Variants in SNX9 observed in about 807,000 individuals in gnomAD.
The protein encoded by SNX9 is sorting nexin-9.
Under a neutral mutation model 89.4 loss-of-function variants are expected in SNX9, and 44 were observed. The observed-to-expected ratio is 0.49, with a 90% CI of 0.39 to 0.63. The LOEUF is 0.63. SNX9 is among the 30% of genes least tolerant of loss of function. SNX9 has a pLI of 0.00. For synonymous variants in SNX9, 236 were observed against 247.8 expected (o/e 0.95, Z 0.45); for missense variants, 578 against 736.1 (o/e 0.79, Z 2.49).
chr6:157,844,741 C>A (rs575600893), intron 1 of SNX9, among the ~76,000 whole-genome samples: 1 of 151,786 alleles, frequency 6.6e-6, no homozygotes, highest in African/African-American at 2.4e-5. Flanking sequence ...CTATAGGCAC[C>A]CGCCACCACG....
Position 157,892,475 on chromosome 6 carries a change from G to GA in SNX9, c.301-4341dup, listed in dbSNP as rs983881317. ...AAACAAGATAAAGAGAGCGTTCCAG[G>GA]AAAAAAAAAAACAAAACCAAAGAGA... is the stretch of plus-strand genomic sequence containing the variant. On this transcript the variant is annotated intron_variant, in intron 4 of 17. Coordinates refer to ENST00000392185, the MANE Select transcript of SNX9 (RefSeq NM_016224.5). Among the ~76,000 whole-genome samples, 317 of 141,888 alleles carry GA rather than the reference G, an allele frequency of 2.2e-3. 2 individuals are homozygous for GA. The highest frequency in any genetic ancestry group is 0.011 in the Middle Eastern group (3 of 282). 93.1% of individuals were successfully genotyped at this position (141,888 alleles called of 152,430 possible).
chr6:157,923,873 TG>T (rs1440728888), intron 10 of SNX9, among the ~76,000 whole-genome samples: 3 of 152,180 alleles, frequency 2.0e-5, no homozygotes, highest in Non-Finnish European at 4.4e-5. Context: ...TGCAGGGAAA[TG>T]AAATGTGCTC....
chr6:157,930,468 G>A (rs1480469159), intron 12 of SNX9, among the ~76,000 whole-genome samples: 2 of 152,174 alleles, frequency 1.3e-5, no homozygotes, highest in Non-Finnish European at 2.9e-5. Context: ...CCAATCCCCA[G>A]GCCATGGACT....
chr6:157,873,305 A>G (rs1782453136), intron 3 of SNX9, 129 bp downstream of exon 3: 1 of 520,984 alleles, frequency 1.9e-6, no homozygotes, highest in Non-Finnish European at 3.1e-6. Context: ...AATAAATGTT[A>G]ACTATATAAA....
At chr6:157,867,725 C>T (rs1782297258) in intron 2 of SNX9, 92 bp downstream of exon 2, 1 of 967,764 alleles carries the variant, frequency 1.0e-6, no homozygotes, top group African/African-American at 1.7e-5. Flanking sequence ...GTCTGATTGT[C>T]CCATGTGGAC....
At chr6:157,874,570 A>G (rs1258349292) in intron 3 of SNX9, 1 of 152,376 alleles carries the variant, frequency 6.6e-6, no homozygotes, top group Admixed American at 6.5e-5. Context: ...CCATCAATAA[A>G]TTGATGTCCA....
At chr6:157,922,250 G>A (rs956787091) in intron 10 of SNX9, among the ~76,000 whole-genome samples, 12 of 152,182 alleles carry the variant, frequency 7.9e-5, no homozygotes, top group Admixed American at 5.9e-4. Flanking sequence ...AAAAGTGTCT[G>A]CTTTGGAAAT....
At chr6:157,853,163 C>G (rs1166851903) in intron 1 of SNX9, among the ~76,000 whole-genome samples, 1 of 151,780 alleles carries the variant, frequency 6.6e-6, no homozygotes, top group East Asian at 1.9e-4. Flanking sequence ...TCTTCCTCAG[C>G]TTTTGTCTGA....
At chr6:157,938,429 T>C (rs1783969463) in intron 15 of SNX9, among the ~76,000 whole-genome samples, 1 of 152,242 alleles carries the variant, frequency 6.6e-6, no homozygotes. Context: ...TTTAGCTTAG[T>C]GACATTTGTC....
intron 1 of SNX9, among the ~76,000 whole-genome samples, chr6:157,836,901 A>T (rs1466254493): frequency 1.3e-5 from 2 of 152,048 alleles, no homozygotes; most frequent in Non-Finnish European, 2.9e-5. Flanking sequence ...GAGAACACAC[A>T]TTTCTACCAG....
intron 9 of SNX9, among the ~76,000 whole-genome samples, chr6:157,919,382 G>A (rs1216414916): frequency 2.0e-5 from 3 of 151,944 alleles, no homozygotes; most frequent in South Asian, 2.1e-4. Flanking sequence ...AATATTTTAC[G>A]TTTAAGTTTT....
chr6:157,944,569 G>A lies in SNX9; in HGVS notation c.*1731G>A, dbSNP rs1477207530. ...GACTTTGTGTGTGATTTTTGTTGTT[G>A]TTGTTAAGTACTTTTTATTCCAGCT... is the stretch of plus-strand genomic sequence containing the variant. On this transcript the variant is annotated 3_prime_UTR_variant, in exon 18 of 18. Coordinates refer to ENST00000392185, the MANE Select transcript of SNX9 (RefSeq NM_016224.5). 4 of 152,398 alleles carry A rather than the reference G, an allele frequency of 2.6e-5. No individual in the cohort carries two copies. Among genetic ancestry groups the A allele is most frequent in the Non-Finnish European group, 5.9e-5 (4 of 68,030 alleles). 9.4% of individuals were successfully genotyped at this position (152,398 alleles called of 1,614,324 possible). A position where few individuals can be genotyped will look rare whatever the true frequency, so the allele number is the denominator to read the frequency against.
At position 157,890,342 on chromosome 6, in the gene SNX9, A is replaced by G. The variant is rs370140935; in HGVS notation, c.301-6485A>G. 2.6e-5 allele frequency among the ~76,000 whole-genome samples: 4 copies of G among 152,346 alleles called. No individual in the cohort carries two copies. The South Asian group carries it at 8.3e-4, about 32-fold the overall frequency. On this transcript the variant is annotated intron_variant, in intron 4 of 17. Coordinates refer to ENST00000392185, the MANE Select transcript of SNX9 (RefSeq NM_016224.5). ...AGGTACAAGCCAGTCTACTTTCTGAAGAAATTTAGCTAATGCTGTAAATCC... is the reference window on the plus strand; with the variant it reads ...AGGTACAAGCCAGTCTACTTTCTGAGGAAATTTAGCTAATGCTGTAAATCC...
chr6:157,940,466 G>A (rs1277497335), intron 16 of SNX9, among the ~76,000 whole-genome samples: 1 of 152,200 alleles, frequency 6.6e-6, no homozygotes, highest in Non-Finnish European at 1.5e-5. Context: ...CACCCAGGCT[G>A]GAGTACAGTG....
At chr6:157,848,515 T>A (rs1302419801) in intron 1 of SNX9, among the ~76,000 whole-genome samples, 1 of 152,276 alleles carries the variant, frequency 6.6e-6, no homozygotes, top group Non-Finnish European at 1.5e-5. Flanking sequence ...TTGGTTCTTT[T>A]AGCTGGGGCA....
intron 2 of SNX9, 142 bp from the exon 3 acceptor site, chr6:157,872,960 G>A: frequency 1.9e-6 from 1 of 530,070 alleles, no homozygotes; most frequent in Non-Finnish European, 3.1e-6. Flanking sequence ...AAGAATTTAA[G>A]ATTTTGAACG....
chr6:157,892,890 T>G (rs963456471), intron 4 of SNX9: 2 of 152,208 alleles, frequency 1.3e-5, no homozygotes, highest in African/African-American at 4.8e-5. Context: ...AGCCCGAGGT[T>G]ACACAGCGGA....
chr6:157,939,149 A>G (rs1283561252), intron 16 of SNX9, among the ~76,000 whole-genome samples: 1 of 152,008 alleles, frequency 6.6e-6, no homozygotes, highest in African/African-American at 2.4e-5. Context: ...GTCAAGAAAA[A>G]AAAAAGATGA....
chr6:157,851,323 T>TA (rs1229141569), intron 1 of SNX9, among the ~76,000 whole-genome samples: 2 of 151,940 alleles, frequency 1.3e-5, no homozygotes, highest in Middle Eastern at 3.2e-3. Context: ...AAATCTTAGT[T>TA]AAAAAAGAAT....
Sources: gnomAD v4.1 joint callset for allele counts (sites outside exome capture counted in the v4.1 genomes callset) on GRCh38, gnomAD v4.1.1 for gene constraint, MANE v1.5 for transcripts, NCBI Gene and HGNC (gene_info 2026-07-23, HGNC 2026-07-21) for gene names.